KCNB2: variants seen among roughly 807,000 people sequenced by gnomAD.
The protein encoded by KCNB2 is delayed rectifier potassium channel protein.
KCNB2 carries 15 observed loss-of-function variants against 61.5 expected under a neutral mutation model. The observed-to-expected ratio is 0.24, with a 90% CI of 0.16 to 0.38. The LOEUF (loss-of-function observed/expected upper bound fraction) is 0.38. KCNB2 is among the 10% of genes least tolerant of loss of function. The pLI, the probability that KCNB2 is intolerant of heterozygous loss-of-function variation, is 1.00. For missense variants in KCNB2, 828 were observed against 1,125.2 expected, an observed-to-expected ratio of 0.74 and a Z score of 3.78; for synonymous variants, 457 against 446.0, an observed-to-expected ratio of 1.02 and a Z score of -0.31.
chr8:72,813,330 C>CT (rs78143664), intron 2 of KCNB2, among the ~76,000 whole-genome samples: 16,066 of 149,488 alleles, frequency 0.11, 1,121 homozygotes, highest in East Asian at 0.4. Flanking sequence ...AGTCTGAAGA[C>CT]TTTTTTTTTT....
chr8:72,639,052 C>A (rs970725728), intron 2 of KCNB2, among the ~76,000 whole-genome samples: 1 of 152,164 alleles, frequency 6.6e-6, no homozygotes, highest in Non-Finnish European at 1.5e-5. Context: ...CTCCTTCTAC[C>A]TCCAGTGATG....
chr8:72,937,161 C>T lies in KCNB2; in HGVS notation c.1806C>T (p.Ser602=), dbSNP rs1198569144. ...TTGTGGACATGAAGAGCACCTCCAG[C>T]ATCGACAGCTTCACCAGCTGTGCCA... The part of the protein sequence containing the change: ...EVIVDMKSTS[S]IDSFTSCATD... The change falls in exon 3 of 3, where the codon AGC becomes AGT. Residue 602 remains serine, a synonymous_variant. Transcript: ENST00000523207. 2 of 1,614,118 alleles carry T rather than the reference C, an allele frequency of 1.2e-6. No homozygotes were observed. The highest frequency in any genetic ancestry group is 1.7e-6 in the Non-Finnish European group (2 of 1,180,014).
At chr8:72,657,343 A>T (rs1310376214) in intron 2 of KCNB2, among the ~76,000 whole-genome samples, 2 of 152,208 alleles carry the variant, frequency 1.3e-5, no homozygotes, top group African/African-American at 4.8e-5. Flanking sequence ...CATTTTAAAG[A>T]TGGACAGGAT....
intron 2 of KCNB2, among the ~76,000 whole-genome samples, chr8:72,657,288 A>G (rs996027958): frequency 6.6e-6 from 1 of 152,176 alleles, no homozygotes; most frequent in Non-Finnish European, 1.5e-5. Flanking sequence ...AAATTACAGG[A>G]AAAGATCTGA....
intron 2 of KCNB2, among the ~76,000 whole-genome samples, chr8:72,764,581 A>G (rs1447376749): frequency 6.6e-6 from 1 of 152,202 alleles, no homozygotes; most frequent in Non-Finnish European, 1.5e-5. Context: ...CCTTTTGGAC[A>G]GTTGATGTAC....
intron 2 of KCNB2, among the ~76,000 whole-genome samples, chr8:72,582,729 C>T (rs1439143646): frequency 1.3e-5 from 2 of 152,154 alleles, no homozygotes; most frequent in African/African-American, 4.8e-5. Flanking sequence ...TCTCCTGCCT[C>T]AGCCTCCTGA....
chr8:72,691,048 A>T (rs776031605), intron 2 of KCNB2, among the ~76,000 whole-genome samples: 5 of 152,216 alleles, frequency 3.3e-5, no homozygotes, highest in Admixed American at 6.5e-5. Flanking sequence ...GCCCGTTTTC[A>T]TATGATGGGC....
At chr8:72,584,143 A>G (rs1280938592) in intron 2 of KCNB2, among the ~76,000 whole-genome samples, 1 of 152,148 alleles carries the variant, frequency 6.6e-6, no homozygotes, top group Non-Finnish European at 1.5e-5. Context: ...GAGGAAAAGA[A>G]CATTTAGACA....
chr8:72,585,655 G>A (rs987303), intron 2 of KCNB2, among the ~76,000 whole-genome samples: 68,975 of 152,050 alleles, frequency 0.45, 17,700 homozygotes, highest in Admixed American at 0.57. Flanking sequence ...GGCATGAGCC[G>A]TGATGCCCAA....
chr8:72,869,434 G>A (rs1805581798), intron 2 of KCNB2, among the ~76,000 whole-genome samples: 1 of 152,098 alleles, frequency 6.6e-6, no homozygotes, highest in African/African-American at 2.4e-5. Flanking sequence ...GAAAATATTT[G>A]CAAGGCATAT....
chr8:72,587,679 C>G (rs1807021546), intron 2 of KCNB2, among the ~76,000 whole-genome samples: 1 of 151,940 alleles, frequency 6.6e-6, no homozygotes, highest in Non-Finnish European at 1.5e-5. Context: ...TACTGAGAGT[C>G]ATCATGATCA....
intron 2 of KCNB2, among the ~76,000 whole-genome samples, chr8:72,607,257 A>T (rs1043082943): frequency 2.0e-5 from 3 of 152,068 alleles, no homozygotes; most frequent in Non-Finnish European, 4.4e-5. Context: ...GAGTTGGAGG[A>T]ACAGGGATGG....
intron 2 of KCNB2, among the ~76,000 whole-genome samples, chr8:72,648,214 A>G (rs1381401344): frequency 2.0e-5 from 3 of 152,180 alleles, no homozygotes; most frequent in Non-Finnish European, 4.4e-5. Context: ...ATAGTGACAG[A>G]TGCAGGGATG....
rs139180673 is a variant in KCNB2, at chr8:72,680,882, G to A, written c.579+112569G>A. Among the ~76,000 whole-genome samples, 265 of 152,248 alleles carry A rather than the reference G, an allele frequency of 1.7e-3. 2 individuals carry two copies. The highest frequency in any genetic ancestry group is 5.9e-3 in the African/African-American group (247 of 41,548). On this transcript the variant is annotated intron_variant, in intron 2 of 2. Transcript: ENST00000523207. ...TCTCTGAGCTGCACCTTCTTCCCTG[G>A]AAGATGGGGAGAATTACAGAGCCTG...
At chr8:72,606,236 A>G (rs1448331897) in intron 2 of KCNB2, among the ~76,000 whole-genome samples, 3 of 152,176 alleles carry the variant, frequency 2.0e-5, no homozygotes, top group South Asian at 2.1e-4. Flanking sequence ...TCATAAAATT[A>G]TTATAATAGG....
intron 2 of KCNB2, among the ~76,000 whole-genome samples, chr8:72,831,110 C>T (rs1234611475): frequency 1.3e-5 from 2 of 152,184 alleles, no homozygotes; most frequent in Non-Finnish European, 2.9e-5. Context: ...CGCCTCATGC[C>T]GTGGGTAGTC....
intron 2 of KCNB2, among the ~76,000 whole-genome samples, chr8:72,918,842 T>C (rs760342059): frequency 3.3e-5 from 5 of 152,216 alleles, no homozygotes; most frequent in African/African-American, 9.6e-5. Context: ...TGTTTAGTCA[T>C]GCCCTCTGCC....
intron 2 of KCNB2, among the ~76,000 whole-genome samples, chr8:72,610,606 C>A (rs922904392): frequency 7.2e-5 from 11 of 152,104 alleles, no homozygotes; most frequent in Non-Finnish European, 1.6e-4. Context: ...AGGCAAGGCA[C>A]TGTCCTAAAT....
At chr8:72,866,053 C>A (rs1337077027) in intron 2 of KCNB2, among the ~76,000 whole-genome samples, 1 of 152,172 alleles carries the variant, frequency 6.6e-6, no homozygotes, top group Non-Finnish European at 1.5e-5. Flanking sequence ...TGACCCATTT[C>A]AACTCTTTGC....
Sources: gnomAD v4.1 joint callset for allele counts (sites outside exome capture counted in the v4.1 genomes callset) on GRCh38, gnomAD v4.1.1 for gene constraint, MANE v1.5 for transcripts, NCBI Gene and HGNC (gene_info 2026-07-23, HGNC 2026-07-21) for gene names.